C2orf68: variants seen among roughly 807,000 people sequenced by gnomAD.
C2orf68 encodes the protein chromosome 2 open reading frame 68.
Under a neutral mutation model 19.1 loss-of-function variants are expected in C2orf68, and 15 were observed. The ratio of observed to expected loss-of-function variants is 0.79; its 90% CI spans 0.53 to 1.21. The LOEUF (loss-of-function observed/expected upper bound fraction) is 1.21. Among genes scored for constraint, C2orf68 ranks in the 50% most tolerant of loss-of-function variants. The pLI is 0.00. For synonymous variants in C2orf68, 98 were observed against 91.0 expected, an observed-to-expected ratio of 1.08 and a Z score of -0.44; for missense variants, 242 against 226.6, an observed-to-expected ratio of 1.07 and a Z score of -0.44.
rs1311858698 is a variant in C2orf68, at chr2:85,606,437, G to C, written c.*2508C>G. On this transcript the variant is annotated 3_prime_UTR_variant, in exon 4 of 4. Transcript: ENST00000306336. ...TGCCTTGGACCCCAGCTGAGGGGTG[G>C]CAGTAAGCAATGAGGATGGGCTATA... 6.6e-6 allele frequency among the ~76,000 whole-genome samples: 1 copy of C among 152,214 alleles called. No homozygotes were observed. Among genetic ancestry groups the C allele is most frequent in the Admixed American group, 6.5e-5 (1 of 15,278 alleles).
Position 85,608,411 on chromosome 2 carries a change from TAC to T in C2orf68, c.*532_*533del, listed in dbSNP as rs369846835. 7.3e-5 allele frequency: 11 copies of T among 151,570 alleles called. No individual in the cohort carries two copies. Among genetic ancestry groups the T allele is most frequent in the African/African-American group, 2.4e-4 (10 of 41,240 alleles). 9.4% of individuals were successfully genotyped at this position (151,570 alleles called of 1,614,324 possible). A position where few individuals can be genotyped will look rare whatever the true frequency, so the allele number is the denominator to read the frequency against. On this transcript the variant is annotated 3_prime_UTR_variant, in exon 4 of 4. Transcript: ENST00000306336. ...CTCCAAAGTCCTGAGCAGCTGGAGG[TAC>T]ACAGTCATTTGGAGGGGGAGGAAAA...
At chr2:85,611,423 G>C (rs980060729) in intron 2 of C2orf68, 6 of 1,513,720 alleles carry the variant, frequency 4.0e-6, no homozygotes, top group Non-Finnish European at 5.3e-6. Context: ...GGGGCAAACC[G>C]GCAGATAAAC....
Position 85,611,943 on chromosome 2 carries a change from C to A in C2orf68, c.42G>T (p.Lys14Asn). The A allele has an allele frequency of 1.3e-6, 2 of 1,581,730 alleles. No homozygotes were observed. Among genetic ancestry groups the A allele is most frequent in the Non-Finnish European group, 1.7e-6 (2 of 1,171,800 alleles). Residue 14 changes from lysine to asparagine, a missense_variant, in exon 1 of 4, where the codon AAG becomes AAT. Physicochemically the swap from Lys to Asn is moderately conservative, Grantham distance 94. Coordinates refer to ENST00000306336, the MANE Select transcript of C2orf68 (RefSeq NM_001013649.4). The stretch of plus-strand genomic sequence containing the variant: ...GGTTCATGTCCAGCCGCCCCCCAGG[C>A]TTGCAGCAGTGCCCCGGCCGGGGAT... Reference protein sequence around the residue: ...GPHPRPGHCCKPGGRLDMNHG... With the variant: ...GPHPRPGHCCNPGGRLDMNHG...
In C2orf68 at chr2:85,612,047, A is replaced by T. The variant is rs1573380172; in HGVS notation, c.-63T>A. On this transcript the variant is annotated 5_prime_UTR_variant, in exon 1 of 4. Transcript: ENST00000306336. Reference sequence around the variant, plus strand: ...GCCCCAACAACAGCCACCCGCCCACAGAGCTCCGCGCCGCCCCTTGCTCAG... The same window carrying T: ...GCCCCAACAACAGCCACCCGCCCACTGAGCTCCGCGCCGCCCCTTGCTCAG... The T allele has an allele frequency of 1.6e-6, 2 of 1,241,138 alleles. No homozygotes were observed. The highest frequency in any genetic ancestry group is 2.2e-6 in the Non-Finnish European group (2 of 923,820). The allele number at this position is 1,241,138 out of a possible 1,614,324, so 76.9% of individuals were successfully genotyped here. A position where few individuals can be genotyped will look rare whatever the true frequency, so the allele number is the denominator to read the frequency against.
chr2:85,611,630 G>C (rs1337981078), intron 2 of C2orf68, 38 bp downstream of exon 2: 2 of 1,563,252 alleles, frequency 1.3e-6, no homozygotes, highest in East Asian at 2.4e-5. Context: ...TGCAGGAAGA[G>C]CGCGCGGGCT....
At chr2:85,610,714 T>A (rs1315320613) in intron 2 of C2orf68, 1 of 150,534 alleles carries the variant, frequency 6.6e-6, no homozygotes, top group Non-Finnish European at 1.5e-5. Context: ...AGCTCAGGAG[T>A]TCGAGATCAG....
chr2:85,611,126 G>T, intron 2 of C2orf68: 1 of 400,796 alleles, frequency 2.5e-6, no homozygotes, highest in Non-Finnish European at 3.6e-6. Flanking sequence ...TGTGGTCCCA[G>T]GTACTCGGGA....
rs765557236 is a variant in C2orf68, at chr2:85,611,678, C to G, written c.216G>C (p.Pro72=). ...GGCGGGCGGCCTCACCTCGGTGTCG[C>G]GGCAGGTACACCTGCAGGTCTGGCT... ...PRKPDLQVYL[P]RHRDVSAHPR... The change falls in exon 2 of 4, where the codon CCG becomes CCC. Residue 72 remains proline, a synonymous_variant. Coordinates refer to ENST00000306336, the MANE Select transcript of C2orf68 (RefSeq NM_001013649.4). 4.5e-6 allele frequency: 7 copies of G among 1,564,572 alleles called. No homozygotes were observed. In the Admixed American group the frequency reaches 1.2e-4, roughly 26 times the overall value.
In C2orf68 at chr2:85,607,826, C is replaced by T. The variant is rs2104139113; in HGVS notation, c.*1119G>A. On this transcript the variant is annotated 3_prime_UTR_variant, in exon 4 of 4. Coordinates refer to ENST00000306336, the MANE Select transcript of C2orf68 (RefSeq NM_001013649.4). ...CTTCCGTACTGGAGGGGGAGGATGT[C>T]TTGTGGAATTCAGACGTAAGCCTAA... 6.6e-6 allele frequency: 1 copy of T among 152,296 alleles called. No individual in the cohort carries two copies. The highest frequency in any genetic ancestry group is 1.5e-5 in the Non-Finnish European group (1 of 68,034). The allele number at this position is 152,296 out of a possible 1,614,324, so 9.4% of individuals were successfully genotyped here.
At chr2:85,611,279 A>T in intron 2 of C2orf68, 1 of 1,412,084 alleles carries the variant, frequency 7.1e-7, no homozygotes, top group Non-Finnish European at 9.2e-7. Context: ...AACCAGTGTG[A>T]TCTCTAGGTA....
At position 85,609,013 on chromosome 2, in the gene C2orf68, G is replaced by C. The variant is rs781777007; in HGVS notation, c.433C>G (p.Pro145Ala). 1 of 1,614,216 alleles carries C rather than the reference G, an allele frequency of 6.2e-7. No homozygotes were observed. Among genetic ancestry groups the C allele is most frequent in the Non-Finnish European group, 8.5e-7 (1 of 1,180,040 alleles). The change falls in exon 4 of 4, where the codon CCA becomes GCA. Residue 145 changes from proline to alanine, a missense_variant. Pro to Ala is a conservative substitution (Grantham distance 27). Transcript: ENST00000306336. ...AACTTGAGGGCTTCTCGCATGGGTG[G>C]ATCCAGAGGCGTGTGTGCCGACACC... ...EKVSAHTPLD[P>A]PMREALKLRI...
Position 85,607,521 on chromosome 2 carries a change from C to T in C2orf68, c.*1424G>A, listed in dbSNP as rs999718195. The stretch of plus-strand genomic sequence containing the variant: ...GCCGCTTTCACCACCAGGCCCTTCT[C>T]ACTTATCCACCTCACTTACTGCCCC... On this transcript the variant is annotated 3_prime_UTR_variant, in exon 4 of 4. Transcript: ENST00000306336. 3.3e-5 allele frequency: 5 copies of T among 152,240 alleles called. No individual in the cohort carries two copies. Among genetic ancestry groups the T allele is most frequent in the Admixed American group, 2.6e-4 (4 of 15,284 alleles). 9.4% of individuals were successfully genotyped at this position (152,240 alleles called of 1,614,324 possible).
In C2orf68 at chr2:85,611,264, A is replaced by G. The variant is rs778867534; in HGVS notation, c.226+404T>C. 842 of 1,401,442 alleles carry G rather than the reference A, an allele frequency of 6.0e-4. 1 individual carries two copies. The highest frequency in any genetic ancestry group is 7.3e-4 in the Non-Finnish European group (788 of 1,085,116). The allele number at this position is 1,401,442 out of a possible 1,614,324, so 86.8% of individuals were successfully genotyped here. The stretch of plus-strand genomic sequence containing the variant: ...ATGCTTAACAAAAATTGACCGTCAT[A>G]TATTAACCAGTGTGATCTCTAGGTA... On this transcript the variant is annotated intron_variant, in intron 2 of 3. Coordinates refer to ENST00000306336, the MANE Select transcript of C2orf68 (RefSeq NM_001013649.4).
chr2:85,610,903 C>G (rs1252902396), intron 2 of C2orf68: 1 of 150,562 alleles, frequency 6.6e-6, no homozygotes, highest in Non-Finnish European at 1.5e-5. Context: ...GGACTACAGG[C>G]GCCCACCACC....
intron 3 of C2orf68, 110 bp from the exon 4 acceptor site, chr2:85,609,177 C>T: frequency 6.9e-7 from 1 of 1,443,788 alleles, no homozygotes; most frequent in South Asian, 1.3e-5. Flanking sequence ...GGCTTTTTGC[C>T]AGCACCTGTC....
chr2:85,608,779 T>TGACTGC lies in C2orf68; in HGVS notation c.*160_*165dup. ...AAATGGGTCAACATATAAGAAAGAA[T>TGACTGC]GACTGCAAGGCAGGCCAGGTGTAGT... On this transcript the variant is annotated 3_prime_UTR_variant, in exon 4 of 4. Coordinates refer to ENST00000306336, the MANE Select transcript of C2orf68 (RefSeq NM_001013649.4). 1 of 573,002 alleles carries TGACTGC rather than the reference T, an allele frequency of 1.7e-6. No homozygotes were observed. Among genetic ancestry groups the TGACTGC allele is most frequent in the Non-Finnish European group, 2.7e-6 (1 of 366,534 alleles). The allele number at this position is 573,002 out of a possible 1,614,324, so 35.5% of individuals were successfully genotyped here.
rs922792145 is a variant in C2orf68, at chr2:85,607,376, C to T, written c.*1569G>A. 6.6e-6 allele frequency: 1 copy of T among 152,158 alleles called. No homozygotes were observed. The highest frequency in any genetic ancestry group is 2.4e-5 in the African/African-American group (1 of 41,414). 9.4% of individuals were successfully genotyped at this position (152,158 alleles called of 1,614,324 possible). A position where few individuals can be genotyped will look rare whatever the true frequency, so the allele number is the denominator to read the frequency against. ...TAGAAGTCAAAAGGCACTTCTAGCC[C>T]AGCTGCCTAAGTAGAGGACAAAGAC... On this transcript the variant is annotated 3_prime_UTR_variant, in exon 4 of 4. Coordinates refer to ENST00000306336, the MANE Select transcript of C2orf68 (RefSeq NM_001013649.4).
rs758672486 is a variant in C2orf68 at position 85,611,977 on chromosome 2, G to A, written c.8C>T (p.Ala3Val). 19 of 1,539,322 alleles carry A rather than the reference G, an allele frequency of 1.2e-5. No individual in the cohort carries two copies. In the South Asian group the frequency reaches 2.1e-4, roughly 17 times the overall value. The change falls in exon 1 of 4, where the codon GCG becomes GTG. Residue 3 changes from alanine (A) to valine (V), a missense_variant. Coordinates refer to ENST00000306336, the MANE Select transcript of C2orf68 (RefSeq NM_001013649.4). ME[A>V]GPHPRPGHCC... is the part of the protein sequence containing the mutation. ...GTGCCCCGGCCGGGGATGCGGCCCCGCCTCCATCAGGAGCCGGGGACGCAG... is the reference window on the plus strand; with the variant it reads ...GTGCCCCGGCCGGGGATGCGGCCCCACCTCCATCAGGAGCCGGGGACGCAG...
At chr2:85,611,821 G>C in intron 1 of C2orf68, 35 bp from the exon 2 acceptor site, 3 of 1,607,272 alleles carry the variant, frequency 1.9e-6, no homozygotes, top group Non-Finnish European at 2.5e-6. Context: ...GGGACTGTCG[G>C]GCCGGGCCAG....
Sources: gnomAD v4.1 joint callset for allele counts (sites outside exome capture counted in the v4.1 genomes callset) on GRCh38, gnomAD v4.1.1 for gene constraint, MANE v1.5 for transcripts, NCBI Gene and HGNC (gene_info 2026-07-23, HGNC 2026-07-21) for gene names.